Variants in ITFG1 observed in about 807,000 individuals in gnomAD.
The protein encoded by ITFG1 is T-cell immunomodulatory protein.
In ITFG1, 34 loss-of-function variants were observed where a neutral mutation model predicts 81.8. The observed-to-expected ratio is 0.42, with a 90% CI of 0.32 to 0.55. The LOEUF (loss-of-function observed/expected upper bound fraction) is 0.55. ITFG1 is among the 20% of genes least tolerant of loss of function. The probability of loss-of-function intolerance (pLI) is 0.17; values close to 1 mark genes in which losing one functional copy is unlikely to be tolerated. For synonymous variants in ITFG1, 285 were observed against 270.6 expected, an observed-to-expected ratio of 1.05 and a Z score of -0.52; for missense variants, 672 against 755.4, an observed-to-expected ratio of 0.89 and a Z score of 1.29.
intron 10 of ITFG1, among the ~76,000 whole-genome samples, chr16:47,271,630 C>T (rs779324394): frequency 6.6e-6 from 1 of 152,172 alleles, no homozygotes; most frequent in African/African-American, 2.4e-5. Context: ...GAGGCCGAGG[C>T]GGGTGGATCA....
At chr16:47,207,821 G>C (rs1270287258) in intron 14 of ITFG1, among the ~76,000 whole-genome samples, 4 of 133,470 alleles carry the variant, frequency 3.0e-5, no homozygotes, top group Non-Finnish European at 4.6e-5. Flanking sequence ...ACTGCCTTGA[G>C]AGCAACAACA....
Position 47,188,340 on chromosome 16 carries a change from A to G in ITFG1, c.1454-25676T>C, listed in dbSNP as rs575739616. On this transcript the variant is annotated intron_variant, in intron 14 of 17. Transcript: ENST00000320640. ...TATGTTTATTGCGGCATTATTCACT[A>G]TAGCAAAGACTTGGAACCAACCCAA... Among the ~76,000 whole-genome samples the G allele has an allele frequency of 4.5e-3, 678 of 152,190 alleles. 6 individuals carry two copies. The highest frequency in any genetic ancestry group is 0.015 in the African/African-American group (643 of 41,512).
chr16:47,362,950 G>A (rs1172869247), intron 8 of ITFG1, among the ~76,000 whole-genome samples: 3 of 152,088 alleles, frequency 2.0e-5, no homozygotes, highest in East Asian at 3.9e-4. Context: ...AGGTTGGAGT[G>A]CAGTGGCACG....
At chr16:47,333,962 T>C (rs1967669294) in intron 8 of ITFG1, among the ~76,000 whole-genome samples, 1 of 152,242 alleles carries the variant, frequency 6.6e-6, no homozygotes, top group African/African-American at 2.4e-5. Context: ...TCAATTTAGA[T>C]ACCCACAATA....
At chr16:47,324,212 C>A (rs939595757) in intron 8 of ITFG1, among the ~76,000 whole-genome samples, 2 of 151,866 alleles carry the variant, frequency 1.3e-5, no homozygotes, top group Admixed American at 6.6e-5. Flanking sequence ...ATTTTCAACC[C>A]AGAATTTCAT....
At chr16:47,254,584 A>G (rs1360201446) in intron 12 of ITFG1, among the ~76,000 whole-genome samples, 1 of 152,204 alleles carries the variant, frequency 6.6e-6, no homozygotes, top group South Asian at 2.1e-4. Context: ...AGACAGTTCA[A>G]TCACATTCTA....
chr16:47,358,654 G>A (rs1175957845), intron 8 of ITFG1, among the ~76,000 whole-genome samples: 1 of 151,926 alleles, frequency 6.6e-6, no homozygotes, highest in African/African-American at 2.4e-5. Flanking sequence ...TATAGTTGAA[G>A]GTCTTAATAT....
intron 6 of ITFG1, among the ~76,000 whole-genome samples, chr16:47,397,003 T>C (rs1029540584): frequency 3.9e-5 from 6 of 152,202 alleles, no homozygotes; most frequent in East Asian, 1.9e-4. Flanking sequence ...TCCAGTGAAC[T>C]AGAAATTGAT....
chr16:47,220,595 G>A (rs572391032), intron 13 of ITFG1, among the ~76,000 whole-genome samples: 22 of 152,304 alleles, frequency 1.4e-4, no homozygotes, highest in African/African-American at 4.6e-4. Context: ...CTGTTCTGAG[G>A]CAATCAGTGG....
At chr16:47,454,385 A>T (rs895578731) in intron 2 of ITFG1, among the ~76,000 whole-genome samples, 4 of 152,196 alleles carry the variant, frequency 2.6e-5, no homozygotes, top group African/African-American at 9.7e-5. Context: ...GACAAATCTG[A>T]AATATGTCGA....
chr16:47,269,643 C>G (rs149930394), intron 10 of ITFG1, among the ~76,000 whole-genome samples: 3 of 152,004 alleles, frequency 2.0e-5, no homozygotes, highest in African/African-American at 7.2e-5. Context: ...AATAAAAAAG[C>G]TATATATGCA....
At chr16:47,320,378 A>G (rs955508167) in intron 8 of ITFG1, among the ~76,000 whole-genome samples, 2 of 152,190 alleles carry the variant, frequency 1.3e-5, no homozygotes, top group African/African-American at 2.4e-5. Context: ...GTACACACAT[A>G]TAACTCTGTT....
At chr16:47,210,184 T>A (rs1461963964) in intron 14 of ITFG1, among the ~76,000 whole-genome samples, 1 of 152,238 alleles carries the variant, frequency 6.6e-6, no homozygotes, top group East Asian at 1.9e-4. Context: ...AGTGATCTAC[T>A]GTCTCTGCAT....
intron 8 of ITFG1, among the ~76,000 whole-genome samples, chr16:47,353,540 A>G (rs1327771540): frequency 1.3e-5 from 2 of 152,176 alleles, no homozygotes; most frequent in East Asian, 3.9e-4. Context: ...AAAATTGGAA[A>G]TCTTAGCCAG....
intron 13 of ITFG1, among the ~76,000 whole-genome samples, chr16:47,226,884 A>G (rs1426321996): frequency 6.6e-6 from 1 of 152,212 alleles, no homozygotes; most frequent in Non-Finnish European, 1.5e-5. Flanking sequence ...TTTTTAAAAA[A>G]ATAAAATTGG....
intron 12 of ITFG1, among the ~76,000 whole-genome samples, chr16:47,253,558 G>A (rs1966103516): frequency 6.6e-6 from 1 of 152,174 alleles, no homozygotes; most frequent in Admixed American, 6.5e-5. Flanking sequence ...CACCACAGAT[G>A]GGTTTTGCAG....
At chr16:47,313,132 T>C (rs1242882153) in intron 9 of ITFG1, 3 of 152,274 alleles carry the variant, frequency 2.0e-5, no homozygotes, top group African/African-American at 7.2e-5. Flanking sequence ...AGTTAAATGC[T>C]TTTAGAATGC....
intron 8 of ITFG1, among the ~76,000 whole-genome samples, chr16:47,321,597 GAGGAC>G (rs1347961350): frequency 6.6e-6 from 1 of 152,186 alleles, no homozygotes; most frequent in Non-Finnish European, 1.5e-5. Context: ...GCCAAAGCAG[GAGGAC>G]TACTTGACCC....
intron 8 of ITFG1, among the ~76,000 whole-genome samples, chr16:47,328,402 C>T (rs1255913881): frequency 6.6e-6 from 1 of 151,984 alleles, no homozygotes; most frequent in Non-Finnish European, 1.5e-5. Flanking sequence ...AGCACACCAA[C>T]ATGGCACATG....
Sources: gnomAD v4.1 joint callset for allele counts (sites outside exome capture counted in the v4.1 genomes callset) on GRCh38, gnomAD v4.1.1 for gene constraint, MANE v1.5 for transcripts, NCBI Gene and HGNC (gene_info 2026-07-23, HGNC 2026-07-21) for gene names.